The following PACSIN2 variants were observed in gnomAD, a reference collection of about 807,000 sequenced individuals.
PACSIN2 encodes the protein protein kinase C and casein kinase substrate in neurons 2.
PACSIN2 carries 25 observed loss-of-function variants against 63.8 expected under a neutral mutation model. The observed-to-expected ratio is 0.39, with a 90% CI of 0.29 to 0.55. The LOEUF (loss-of-function observed/expected upper bound fraction) is 0.55. Among genes scored for constraint, PACSIN2 ranks in the 20% least tolerant of loss-of-function variants. The pLI, the probability that PACSIN2 is intolerant of heterozygous loss-of-function variation, is 0.62. For missense variants in PACSIN2, 518 were observed against 646.9 expected (o/e 0.80, Z 2.16); for synonymous variants, 255 against 256.2 (o/e 1.00, Z 0.05).
At chr22:42,894,506 G>T (rs1048616715) in intron 2 of PACSIN2, among the ~76,000 whole-genome samples, 1 of 152,242 alleles carries the variant, frequency 6.6e-6, no homozygotes. Context: ...CTCCCAAAGT[G>T]CTGGGATTAC....
At chr22:42,914,862 G>C (rs1312491583) in intron 1 of PACSIN2, among the ~76,000 whole-genome samples, 1 of 152,196 alleles carries the variant, frequency 6.6e-6, no homozygotes, top group African/African-American at 2.4e-5. Flanking sequence ...TTGATTGACT[G>C]ACTGGTGGTT....
At chr22:42,887,244 T>C (rs1266256716) in intron 5 of PACSIN2, among the ~76,000 whole-genome samples, 1 of 152,168 alleles carries the variant, frequency 6.6e-6, no homozygotes, top group Admixed American at 6.5e-5. Context: ...TTGGTCTGAG[T>C]GACGAACTCT....
At chr22:42,907,045 G>C (rs1405551280) in intron 2 of PACSIN2, among the ~76,000 whole-genome samples, 1 of 152,146 alleles carries the variant, frequency 6.6e-6, no homozygotes, top group Non-Finnish European at 1.5e-5. Flanking sequence ...CTTTCCCAGA[G>C]CAGCTCCCTA....
rs4822211 is a variant in PACSIN2 at position 42,871,825 on chromosome 22, G to A, written c.1349-356C>T. Among the ~76,000 whole-genome samples the A allele has an allele frequency of 1.3e-5, 2 of 151,660 alleles. No homozygotes were observed. Among genetic ancestry groups the A allele is most frequent in the African/African-American group, 2.4e-5 (1 of 41,216 alleles). On this transcript the variant is annotated intron_variant, in intron 10 of 10. Transcript: ENST00000263246. This position sits in a 1 kb window ranked among gnomAD's most constrained non-coding sequence, Gnocchi z 5.4. ...TCCCTCGGTTGTGCCCCTCCCTCAC[G>A]TTGGGCCTCTTCTGTCCCCTCCCCA...
chr22:42,970,638 G>A (rs573490507), intron 1 of PACSIN2, among the ~76,000 whole-genome samples: 54 of 152,074 alleles, frequency 3.6e-4, no homozygotes, highest in Non-Finnish European at 5.4e-4. Context: ...CATTCATTAC[G>A]TCCTTTGCAA....
In PACSIN2 at chr22:42,912,015, C is replaced by CATT; in HGVS notation, c.60+3_60+5dup. 6.3e-7 allele frequency: 1 copy of CATT among 1,596,160 alleles called. No homozygotes were observed. The highest frequency in any genetic ancestry group is 1.1e-5 in the South Asian group (1 of 88,790). On this transcript the variant is annotated splice_donor_region_variant and intron_variant, in intron 2 of 10. Transcript: ENST00000263246. ...TTCATTCACTGGAAGAAAGCAGGTGCATTACCTCCCAGAAGCTGTCGCTGG... is the reference window on the plus strand; with the variant it reads ...TTCATTCACTGGAAGAAAGCAGGTGCATTATTACCTCCCAGAAGCTGTCGCTGG...
intron 1 of PACSIN2, among the ~76,000 whole-genome samples, chr22:42,923,022 T>G (rs1932296016): frequency 6.6e-6 from 1 of 151,710 alleles, no homozygotes; most frequent in Non-Finnish European, 1.5e-5. Flanking sequence ...GCAGAGGGAG[T>G]GAGTGTTGTG....
chr22:42,908,656 G>A (rs1931245948), intron 2 of PACSIN2, among the ~76,000 whole-genome samples: 2 of 152,138 alleles, frequency 1.3e-5, no homozygotes, highest in South Asian at 4.1e-4. Context: ...CCTCCACTTG[G>A]CCCCCGCCAC....
At chr22:43,002,185 G>A (rs1016931807) in intron 1 of PACSIN2, 2 of 152,220 alleles carry the variant, frequency 1.3e-5, no homozygotes, top group Non-Finnish European at 2.9e-5. Context: ...CTAGAAGCTA[G>A]AGATGAACTC....
At chr22:42,967,620 G>A (rs1448986752) in intron 1 of PACSIN2, among the ~76,000 whole-genome samples, 2 of 152,226 alleles carry the variant, frequency 1.3e-5, no homozygotes, top group African/African-American at 4.8e-5. Context: ...CGGGCGCGGT[G>A]GCTCACGCCT....
chr22:42,873,309 G>A (rs1041434008), intron 10 of PACSIN2, among the ~76,000 whole-genome samples: 3 of 152,162 alleles, frequency 2.0e-5, no homozygotes, highest in Non-Finnish European at 2.9e-5. Flanking sequence ...CAACAAAGTC[G>A]GGGGTAACAA....
intron 1 of PACSIN2, among the ~76,000 whole-genome samples, chr22:42,940,002 C>A (rs974566760): frequency 2.6e-5 from 4 of 152,184 alleles, no homozygotes; most frequent in African/African-American, 9.6e-5. Flanking sequence ...CTACCTAGCA[C>A]CAGACACAAT....
At chr22:42,969,885 A>G (rs1295517842) in intron 1 of PACSIN2, among the ~76,000 whole-genome samples, 1 of 151,004 alleles carries the variant, frequency 6.6e-6, no homozygotes, top group Non-Finnish European at 1.5e-5. Flanking sequence ...CCTGAGTGAC[A>G]GGGTGAGATG....
At chr22:42,940,283 A>G (rs1216090090) in intron 1 of PACSIN2, among the ~76,000 whole-genome samples, 1 of 152,200 alleles carries the variant, frequency 6.6e-6, no homozygotes, top group Non-Finnish European at 1.5e-5. Context: ...TATTTTATAC[A>G]ATAGAAGGAA....
Position 42,876,976 on chromosome 22 carries a change from C to G in PACSIN2, c.1063G>C (p.Ala355Pro), listed in dbSNP as rs112729941. 6.2e-7 allele frequency: 1 copy of G among 1,614,064 alleles called. No homozygotes were observed. Among genetic ancestry groups the G allele is most frequent in the African/African-American group, 1.3e-5 (1 of 74,934 alleles). Residue 355 changes from alanine to proline, a missense_variant, in exon 9 of 11, where the codon GCG (alanine) becomes CCG (proline). Ala to Pro is a conservative substitution (Grantham distance 27). Coordinates refer to ENST00000263246, the MANE Select transcript of PACSIN2 (RefSeq NM_001184970.3). Reference sequence around the variant, plus strand: ...GGGTTGTAGCTGGACTGTGACTGCGCAGACTGGGCGGGGTTGCTCGGGACA... The same window carrying G: ...GGGTTGTAGCTGGACTGTGACTGCGGAGACTGGGCGGGGTTGCTCGGGACA... ...LNVPSNPAQS[A>P]QSQSSYNPFE...
At chr22:42,888,508 G>A in intron 5 of PACSIN2, 135 bp downstream of exon 5, 2 of 827,444 alleles carry the variant, frequency 2.4e-6, no homozygotes, top group Non-Finnish European at 3.9e-6. Flanking sequence ...CCTTCTTGAG[G>A]ACAGGGGTGT....
intron 1 of PACSIN2, among the ~76,000 whole-genome samples, chr22:42,912,498 C>T (rs1380974499): frequency 6.6e-6 from 1 of 152,218 alleles, no homozygotes; most frequent in African/African-American, 2.4e-5. Flanking sequence ...ACCTTTGACA[C>T]CCTACTCCCC....
At chr22:42,916,470 A>G (rs1931815827) in intron 1 of PACSIN2, among the ~76,000 whole-genome samples, 2 of 151,988 alleles carry the variant, frequency 1.3e-5, no homozygotes, top group Admixed American at 6.5e-5. Context: ...TCTCAATGAC[A>G]ACTCCCAAGT....
At chr22:42,927,729 A>C (rs147577675) in intron 1 of PACSIN2, among the ~76,000 whole-genome samples, 4,552 of 151,642 alleles carry the variant, frequency 0.03, 85 homozygotes, top group African/African-American at 0.045. Context: ...CTGGGATTAG[A>C]AGCATGCACC....
Sources: gnomAD v4.1 joint callset for allele counts (sites outside exome capture counted in the v4.1 genomes callset) on GRCh38, gnomAD v4.1.1 for gene constraint, Gnocchi (gnomAD v3.1) non-coding constraint, MANE v1.5 for transcripts, NCBI Gene and HGNC (gene_info 2026-07-23, HGNC 2026-07-21) for gene names.